FAM193A: variants seen among roughly 807,000 people sequenced by gnomAD.
The protein encoded by FAM193A is family with sequence similarity 193 member A, also known as protein FAM193A.
A neutral mutation model predicts 126.5 loss-of-function variants in FAM193A; 22 were observed. The ratio of observed to expected loss-of-function variants is 0.17; its 90% CI spans 0.12 to 0.25. FAM193A has a LOEUF of 0.25. Ranked by LOEUF, FAM193A falls within the 10% of genes least tolerant of loss-of-function variation. The pLI, the probability that FAM193A is intolerant of heterozygous loss-of-function variation, is 1.00. For synonymous variants in FAM193A, 761 were observed against 646.8 expected, an observed-to-expected ratio of 1.18 and a Z score of -2.68; for missense variants, 1,675 against 1,672.8, an observed-to-expected ratio of 1.00 and a Z score of -0.02.
At chr4:2,537,811 T>G (rs1300471851) in intron 1 of FAM193A, among the ~76,000 whole-genome samples, 2 of 152,216 alleles carry the variant, frequency 1.3e-5, no homozygotes, top group Non-Finnish European at 2.9e-5. Context: ...CCCGCTTTGT[T>G]AAGTTTTCAG....
At chr4:2,713,891 C>CTG (rs1242876254) in intron 19 of FAM193A, among the ~76,000 whole-genome samples, 8 of 152,136 alleles carry the variant, frequency 5.3e-5, no homozygotes, top group African/African-American at 1.7e-4. Context: ...CTTGGATCAA[C>CTG]TGATTTCTCC....
Position 2,630,954 on chromosome 4 carries a change from T to C in FAM193A, c.823T>C (p.Tyr275His), listed in dbSNP as rs1338023125. ...LVDRLCERDP[Y>H]QLYQRLEQQA... Reference sequence around the variant, plus strand: ...GTGCAGGCTCTGCGAGAGGGACCCCTACCAGCTGTACCAGCGTCTGGAACA... The same window carrying C: ...GTGCAGGCTCTGCGAGAGGGACCCCCACCAGCTGTACCAGCGTCTGGAACA... The change falls in exon 5 of 21, where the codon TAC (tyrosine) becomes CAC (histidine). Residue 275 changes from tyrosine to histidine, a missense_variant. This residue lies in a region of FAM193A where 1,186 missense variants were observed against 1,109.2 expected (regional missense o/e 1.07). Transcript: ENST00000637812. 1 of 1,606,546 alleles carries C rather than the reference T, an allele frequency of 6.2e-7. No homozygotes were observed. Among genetic ancestry groups the C allele is most frequent in the Admixed American group, 1.7e-5 (1 of 59,944 alleles).
intron 12 of FAM193A, among the ~76,000 whole-genome samples, chr4:2,665,831 T>A (rs976894385): frequency 1.3e-5 from 2 of 152,182 alleles, no homozygotes; most frequent in Non-Finnish European, 2.9e-5. Flanking sequence ...CCAGTCTGGA[T>A]GCTTTTAATT....
At chr4:2,685,561 C>G (rs1715640865) in intron 13 of FAM193A, among the ~76,000 whole-genome samples, 1 of 152,166 alleles carries the variant, frequency 6.6e-6, no homozygotes, top group Non-Finnish European at 1.5e-5. Context: ...GCCTCTTTAC[C>G]AATCTCTGGG....
At position 2,700,199 on chromosome 4, in the gene FAM193A, A is replaced by T; in HGVS notation, c.4027A>T (p.Thr1343Ser). The part of the protein sequence containing the change: ...EGNGKQKLRQ[T>S]SKASSEPARR... ...AAATGGCAAGCAGAAGCTGAGGCAGACCAGCAAGGCCAGCAGCGAGCCAGC... is the reference window on the plus strand; with the variant it reads ...AAATGGCAAGCAGAAGCTGAGGCAGTCCAGCAAGGCCAGCAGCGAGCCAGC... Residue 1343 changes from threonine to serine, a missense_variant, in exon 19 of 21, where the codon ACC becomes TCC. This residue lies in a region of FAM193A where 415 missense variants were observed against 396.7 expected (regional missense o/e 1.05). Coordinates refer to ENST00000637812, the MANE Select transcript of FAM193A (RefSeq NM_001366318.2). The T allele has an allele frequency of 6.2e-7, 1 of 1,613,934 alleles. No homozygotes were observed. The highest frequency in any genetic ancestry group is 1.1e-5 in the South Asian group (1 of 91,072).
At chr4:2,594,345 T>G (rs1311751522) in intron 1 of FAM193A, among the ~76,000 whole-genome samples, 1 of 151,896 alleles carries the variant, frequency 6.6e-6, no homozygotes, top group Non-Finnish European at 1.5e-5. Context: ...ATACCGGTGG[T>G]GGGATGGGGA....
chr4:2,577,028 G>C (rs1278477953), intron 1 of FAM193A, among the ~76,000 whole-genome samples: 2 of 152,156 alleles, frequency 1.3e-5, no homozygotes, highest in African/African-American at 4.8e-5. Flanking sequence ...TTTTCTCACA[G>C]GTGTTCGTCT....
At chr4:2,567,106 ATTT>A (rs570577167) in intron 1 of FAM193A, among the ~76,000 whole-genome samples, 1 of 137,904 alleles carries the variant, frequency 7.3e-6, no homozygotes, top group African/African-American at 2.7e-5. Flanking sequence ...TGCCCGGCTC[ATTT>A]TTTTTTTTTT....
intron 19 of FAM193A, among the ~76,000 whole-genome samples, chr4:2,712,648 C>T (rs1719104978): frequency 6.6e-6 from 1 of 152,200 alleles, no homozygotes; most frequent in Non-Finnish European, 1.5e-5. Flanking sequence ...AATTGAAAAT[C>T]TTCTTTTCAG....
chr4:2,691,639 G>C (rs1335275892), intron 15 of FAM193A, among the ~76,000 whole-genome samples: 1 of 151,990 alleles, frequency 6.6e-6, no homozygotes, highest in Admixed American at 6.6e-5. Context: ...AGCCAAAGCT[G>C]GGACAGATTG....
intron 18 of FAM193A, among the ~76,000 whole-genome samples, chr4:2,696,946 GT>G (rs1462913353): frequency 2.6e-5 from 4 of 152,156 alleles, no homozygotes; most frequent in African/African-American, 4.8e-5. Context: ...AAAGGCCCAG[GT>G]GGGCTTTTGG....
At chr4:2,611,838 A>ATTT (rs1339000637) in intron 2 of FAM193A, among the ~76,000 whole-genome samples, 3 of 136,238 alleles carry the variant, frequency 2.2e-5, no homozygotes, top group African/African-American at 5.4e-5. Flanking sequence ...GATCAAATCC[A>ATTT]TTTTTTTTTT....
intron 2 of FAM193A, among the ~76,000 whole-genome samples, chr4:2,614,119 G>A (rs745499997): frequency 1.3e-5 from 2 of 152,136 alleles, no homozygotes; most frequent in Admixed American, 6.6e-5. Context: ...TACAAATAAT[G>A]TGTTTCTTCC....
rs1716853043 is a variant in FAM193A at position 2,694,869 on chromosome 4, GGTGGTCAT to G, written c.3093-73_3093-66del. On this transcript the variant is annotated intron_variant, in intron 16 of 20. Coordinates refer to ENST00000637812, the MANE Select transcript of FAM193A (RefSeq NM_001366318.2). ...TGTCTGTGAAATGGGCAGGACAGTG[GGTGGTCAT>G]GTGCAACAATGTGAGTCATTGCCTC... is the stretch of plus-strand genomic sequence containing the variant. The G allele has an allele frequency of 4.7e-6, 6 of 1,270,016 alleles. No individual in the cohort carries two copies. The South Asian group carries it at 8.3e-5, about 18-fold the overall frequency. The allele number at this position is 1,270,016 out of a possible 1,614,324, so 78.7% of individuals were successfully genotyped here.
At chr4:2,709,715 C>CAA (rs1278568476) in intron 19 of FAM193A, among the ~76,000 whole-genome samples, 1 of 151,684 alleles carries the variant, frequency 6.6e-6, no homozygotes, top group African/African-American at 2.4e-5. Flanking sequence ...AAAAACAAAA[C>CAA]AAAACAAAAC....
rs1716675386 is a variant in FAM193A, at chr4:2,693,672, C to G, written c.2890C>G (p.Leu964Val). Residue 964 changes from leucine (L) to valine (V), a missense_variant, in exon 16 of 21, where the codon CTC (leucine) becomes GTC (valine). This residue lies in a region of FAM193A where 1,186 missense variants were observed against 1,109.2 expected (regional missense o/e 1.07). Coordinates refer to ENST00000637812, the MANE Select transcript of FAM193A (RefSeq NM_001366318.2). ...GAATAGCCCCACGGGCTTGGCCCCCCTCCCAGCGCTCTCGCCTGCTGCGCT... is the reference window on the plus strand; with the variant it reads ...GAATAGCCCCACGGGCTTGGCCCCCGTCCCAGCGCTCTCGCCTGCTGCGCT... Reference protein sequence around the residue: ...PRNSPTGLAPLPALSPAALSP... With the variant: ...PRNSPTGLAPVPALSPAALSP... The G allele has an allele frequency of 6.2e-7, 1 of 1,614,116 alleles. No homozygotes were observed. Among genetic ancestry groups the G allele is most frequent in the Admixed American group, 1.7e-5 (1 of 60,014 alleles).
At position 2,661,965 on chromosome 4, in the gene FAM193A, C is replaced by T. The variant is rs565125056; in HGVS notation, c.1746-873C>T. Among the ~76,000 whole-genome samples the T allele has an allele frequency of 2.4e-3, 372 of 152,226 alleles. 2 individuals are homozygous for T. Among genetic ancestry groups the T allele is most frequent in the African/African-American group, 8.5e-3 (353 of 41,540 alleles). ...TTGGGAGGCCGAGGCGGGCGGATCACGAGGTCAGGGGATTGAGACTATCCT... is the reference window on the plus strand; with the variant it reads ...TTGGGAGGCCGAGGCGGGCGGATCATGAGGTCAGGGGATTGAGACTATCCT... On this transcript the variant is annotated intron_variant, in intron 10 of 20. Coordinates refer to ENST00000637812, the MANE Select transcript of FAM193A (RefSeq NM_001366318.2).
In FAM193A at chr4:2,728,895, A is replaced by ATTT. The variant is rs1491485597; in HGVS notation, c.4455-2880_4455-2879insTTT. ...TAAGCAAATATGTTCCACCTCCAAA[A>ATTT]CTTTTTTTTTTTTTTTTTTTTTTTT... On this transcript the variant is annotated intron_variant, in intron 20 of 20. Transcript: ENST00000637812. Among the ~76,000 whole-genome samples, 70 of 105,706 alleles carry ATTT rather than the reference A, an allele frequency of 6.6e-4. 3 individuals are homozygous for ATTT. The highest frequency in any genetic ancestry group is 4.8e-3 in the Middle Eastern group (1 of 208). The allele number at this position is 105,706 out of a possible 152,430, so 69.3% of individuals were successfully genotyped here.
Position 2,689,696 on chromosome 4 carries a change from C to G in FAM193A, c.2522C>G (p.Thr841Arg). 6.4e-7 allele frequency: 1 copy of G among 1,566,080 alleles called. No individual in the cohort carries two copies. Among genetic ancestry groups the G allele is most frequent in the Non-Finnish European group, 8.6e-7 (1 of 1,162,136 alleles). Reference protein sequence around the residue: ...NWNPGTFLPDTISGSEILGPT... With the variant: ...NWNPGTFLPDRISGSEILGPT... ...AATCCTGGCACTTTCTTGCCAGATA[C>G]AATTTCTGGTAAGGAATTTGTTAAA... Residue 841 changes from threonine to arginine, a missense_variant, in exon 14 of 21, where the codon ACA (threonine) becomes AGA (arginine). Physicochemically the swap from Thr to Arg is moderately conservative, Grantham distance 71 (BLOSUM62 -1). Coordinates refer to ENST00000637812, the MANE Select transcript of FAM193A (RefSeq NM_001366318.2).
Sources: gnomAD v4.1 joint callset for allele counts (sites outside exome capture counted in the v4.1 genomes callset) on GRCh38, gnomAD v4.1.1 for gene constraint, gnomAD v4.1.1 regional missense constraint, MANE v1.5 for transcripts, NCBI Gene and HGNC (gene_info 2026-07-23, HGNC 2026-07-21) for gene names.